Variants in KLC2 observed in about 807,000 individuals in gnomAD.
KLC2 encodes kinesin light chain 2.
Under a neutral mutation model 75.1 loss-of-function variants are expected in KLC2, and 35 were observed. The ratio of observed to expected loss-of-function variants is 0.47; its 90% confidence interval spans 0.36 to 0.62. The LOEUF (loss-of-function observed/expected upper bound fraction) is 0.62, where lower values mean the gene tolerates loss of function less well. Ranked by LOEUF, KLC2 falls within the 20% of genes least tolerant of loss-of-function variation. The probability of loss-of-function intolerance (pLI) is 0.00; values close to 1 mark genes in which losing one functional copy is unlikely to be tolerated. For missense variants in KLC2, 611 were observed against 833.2 expected (o/e 0.73, Z 3.28); for synonymous variants, 314 against 336.7 (o/e 0.93, Z 0.74).
At chr11:66,266,712 G>A in intron 15 of KLC2, 161 bp from the exon 16 acceptor site, 1 of 843,696 alleles carries the variant, frequency 1.2e-6, no homozygotes, top group Non-Finnish European at 2.0e-6. Context: ...GAGATGGACG[G>A]GAGTGTCAGG....
At chr11:66,253,413 G>A (rs955417849), upstream of KLC2, among the ~76,000 whole-genome samples, 2 of 152,242 alleles carry the variant, frequency 1.3e-5, no homozygotes, top group African/African-American at 4.8e-5. Context: ...AGGATCTAAA[G>A]GGATGCAGTA....
upstream of KLC2, among the ~76,000 whole-genome samples, chr11:66,252,304 G>A (rs1006570466): frequency 6.6e-6 from 1 of 151,996 alleles, no homozygotes; most frequent in Non-Finnish European, 1.5e-5. Flanking sequence ...TTTGGTTTTT[G>A]AGACAGAGTC....
At position 66,262,158 on chromosome 11, in the gene KLC2, T is replaced by C. The variant is rs763682960; in HGVS notation, c.495T>C (p.Asp165=). The C allele has an allele frequency of 3.1e-6, 5 of 1,613,332 alleles. No homozygotes were observed. The highest frequency in any genetic ancestry group is 2.2e-5 in the South Asian group (2 of 91,044). Reference sequence around the variant, plus strand: ...GGGACGTCCCCAAAGACACACTGGATGACCTGTTCCCCAATGAGGATGAGC... The same window carrying C: ...GGGACGTCCCCAAAGACACACTGGACGACCTGTTCCCCAATGAGGATGAGC... ...EKGDVPKDTL[D]DLFPNEDEQS... is the part of the protein sequence containing the mutation. The change falls in exon 4 of 16, where the codon GAT becomes GAC. Residue 165 remains aspartate, a synonymous_variant. Transcript: ENST00000394067.
rs2134851645 is a variant in KLC2, at chr11:66,267,808, C to G, written c.*852C>G. 3.3e-6 allele frequency: 1 copy of G among 302,672 alleles called. No homozygotes were observed. Among genetic ancestry groups the G allele is most frequent in the Non-Finnish European group, 5.2e-6 (1 of 191,644 alleles). 18.7% of individuals were successfully genotyped at this position (302,672 alleles called of 1,614,324 possible). Reference sequence around the variant, plus strand: ...GCTCCCCCTGTTGCGGGTGAGGCGGCTGCTCTCATATTTTCAGATGTTGCT... The same window carrying G: ...GCTCCCCCTGTTGCGGGTGAGGCGGGTGCTCTCATATTTTCAGATGTTGCT... On this transcript the variant is annotated 3_prime_UTR_variant, in exon 16 of 16. Coordinates refer to ENST00000394067, the MANE Select transcript of KLC2 (RefSeq NM_001318734.2).
chr11:66,265,282 G>T (rs1279140365), intron 11 of KLC2, 47 bp downstream of exon 11: 1 of 1,533,860 alleles, frequency 6.5e-7, no homozygotes, highest in East Asian at 2.3e-5. Flanking sequence ...GGCAGGGCGG[G>T]CTCCACATTC....
intron 14 of KLC2, 68 bp from the exon 15 acceptor site, chr11:66,266,365 C>A: frequency 1.3e-6 from 2 of 1,511,930 alleles, no homozygotes; most frequent in East Asian, 2.3e-5. Context: ...CCAGCCCCAC[C>A]CTTCTCCCTG....
chr11:66,254,941 C>G (rs1855992006), upstream of KLC2, among the ~76,000 whole-genome samples: 1 of 151,896 alleles, frequency 6.6e-6, no homozygotes, highest in South Asian at 2.1e-4. Flanking sequence ...AAAAAAGTCC[C>G]AAGAGGTGCC....
the KLC2 span, among the ~76,000 whole-genome samples, chr11:66,250,332 C>T: frequency 7.1e-3 from 1,084 of 152,212 alleles, 16 homozygotes; most frequent in African/African-American, 0.024. Context: ...GGCGGACCCT[C>T]GATAAAGGTT....
At chr11:66,262,699 T>G (rs767093595) in intron 4 of KLC2, 115 bp from the exon 5 acceptor site, 9 of 716,548 alleles carry the variant, frequency 1.3e-5, no homozygotes, top group Non-Finnish European at 2.2e-5. Flanking sequence ...TGAGAAAGAG[T>G]GGTTAGTGAC....
In KLC2 at chr11:66,265,992, C is replaced by A. The variant is rs1856797431; in HGVS notation, c.1582C>A (p.Pro528Thr). The change falls in exon 13 of 16, where the codon CCT (proline) becomes ACT (threonine). Residue 528 changes from proline to threonine, a missense_variant. Coordinates refer to ENST00000394067, the MANE Select transcript of KLC2 (RefSeq NM_001318734.2). ...RSESDLEDVG[P>T]TAEWNGDGSG... The stretch of plus-strand genomic sequence containing the variant: ...TGAGTCTGACCTCGAGGACGTGGGA[C>A]CTACAGCTGAGTGGAATGGGGTGAG... The A allele has an allele frequency of 1.2e-6, 2 of 1,612,110 alleles. No homozygotes were observed. The highest frequency in any genetic ancestry group is 2.7e-5 in the African/African-American group (2 of 75,014).
chr11:66,266,850 C>T (rs1251197664), intron 15 of KLC2, 23 bp from the exon 16 acceptor site: 1 of 1,610,006 alleles, frequency 6.2e-7, no homozygotes, highest in South Asian at 1.1e-5. Flanking sequence ...CAGGGCTGAG[C>T]CACCTGCCCC....
In KLC2 at chr11:66,267,131, C is replaced by G; in HGVS notation, c.*175C>G. 1 of 1,532,740 alleles carries G rather than the reference C, an allele frequency of 6.5e-7. No homozygotes were observed. The highest frequency in any genetic ancestry group is 8.8e-7 in the Non-Finnish European group (1 of 1,136,648). 94.9% of individuals were successfully genotyped at this position (1,532,740 alleles called of 1,614,324 possible). On this transcript the variant is annotated 3_prime_UTR_variant, in exon 16 of 16. Coordinates refer to ENST00000394067, the MANE Select transcript of KLC2 (RefSeq NM_001318734.2). ...CTCAGCCTGAGCCCTGGAGGCTGGG[C>G]CTGCCCACTCCAGCTCCATCCCTTA...
At chr11:66,249,797 T>C in the KLC2 span, among the ~76,000 whole-genome samples, 1 of 152,042 alleles carries the variant, frequency 6.6e-6, no homozygotes, top group South Asian at 2.1e-4. Flanking sequence ...CCAGCCTCCA[T>C]CCTGTTACTC....
intron 2 of KLC2, 53 bp from the exon 3 acceptor site, chr11:66,261,689 C>A: frequency 1.6e-6 from 2 of 1,249,642 alleles, no homozygotes; most frequent in South Asian, 2.6e-5. Flanking sequence ...AGGCTACAGT[C>A]ATAGGCGAGG....
intron 9 of KLC2, 78 bp from the exon 10 acceptor site, chr11:66,264,945 C>T: frequency 6.9e-7 from 1 of 1,448,428 alleles, no homozygotes; most frequent in Middle Eastern, 2.3e-4. Flanking sequence ...CTCCCCTCCC[C>T]TGACCCCAGT....
the KLC2 span, among the ~76,000 whole-genome samples, chr11:66,248,548 C>T: frequency 2.4e-4 from 37 of 152,260 alleles, no homozygotes; most frequent in African/African-American, 7.9e-4. Context: ...ACCCGGGAGG[C>T]GTAGGTTGCA....
intron 2 of KLC2, among the ~76,000 whole-genome samples, chr11:66,260,497 G>T (rs976849733): frequency 6.6e-6 from 1 of 152,218 alleles, no homozygotes; most frequent in Non-Finnish European, 1.5e-5. Context: ...GGTGGAGGCC[G>T]GGTGTGGTGG....
At chr11:66,262,786 A>C (rs1856526030) in intron 4 of KLC2, 28 bp from the exon 5 acceptor site, 2 of 1,549,092 alleles carry the variant, frequency 1.3e-6, no homozygotes. Flanking sequence ...CAGATGGTAC[A>C]TCTGACCTCC....
the KLC2 span, among the ~76,000 whole-genome samples, chr11:66,250,605 A>G: frequency 2.0e-5 from 3 of 152,148 alleles, no homozygotes; most frequent in Non-Finnish European, 1.5e-5. Context: ...CCATCGCCAC[A>G]CAGCATGACA....
Sources: gnomAD v4.1 joint callset for allele counts (sites outside exome capture counted in the v4.1 genomes callset) on GRCh38, gnomAD v4.1.1 for gene constraint, MANE v1.5 for transcripts, NCBI Gene and HGNC (gene_info 2026-07-23, HGNC 2026-07-21) for gene names.